The following WWP1 variants were observed in gnomAD, a reference collection of about 807,000 sequenced individuals.
The protein encoded by WWP1 is WW domain containing E3 ubiquitin protein ligase 1, also known as NEDD4-like E3 ubiquitin-protein ligase WWP1.
Under a neutral mutation model 130.6 loss-of-function variants are expected in WWP1, and 49 were observed. The ratio of observed to expected loss-of-function variants is 0.38; its 90% CI spans 0.30 to 0.48. The LOEUF is 0.48. Among genes scored for constraint, WWP1 ranks in the 20% least tolerant of loss-of-function variants. WWP1 has a pLI of 0.99. For synonymous variants in WWP1, 332 were observed against 367.8 expected (o/e 0.90, Z 1.11); for missense variants, 809 against 1,100.6 (o/e 0.74, Z 3.75).
Position 86,442,772 on chromosome 8 carries a change from T to A in WWP1, c.1992T>A (p.Ile664=). ...ACTTCTGTTTCATTGGTCGTTTTAT[T>A]GCCATGGTGAGTTCCTGACTTTATT... The part of the protein sequence containing the change: ...LSYFCFIGRF[I]AMALFHGKFI... Residue 664 remains isoleucine (I), a synonymous_variant, in exon 18 of 25, where the codon ATT becomes ATA. Transcript: ENST00000517970. The A allele has an allele frequency of 6.2e-7, 1 of 1,607,766 alleles. No homozygotes were observed. The highest frequency in any genetic ancestry group is 8.5e-7 in the Non-Finnish European group (1 of 1,178,242).
chr8:86,413,811 C>T (rs368363888), intron 9 of WWP1, among the ~76,000 whole-genome samples: 3 of 152,230 alleles, frequency 2.0e-5, no homozygotes, highest in African/African-American at 7.2e-5. Context: ...CTGAAAACCA[C>T]GAATAAGCAT....
chr8:86,348,648 C>G (rs1202521752), intron 1 of WWP1, among the ~76,000 whole-genome samples: 2 of 152,208 alleles, frequency 1.3e-5, no homozygotes, highest in South Asian at 2.1e-4. Flanking sequence ...CTCTTGGAAC[C>G]TGGAGTTTAG....
At chr8:86,369,765 CTT>C (rs1824179092) in intron 2 of WWP1, among the ~76,000 whole-genome samples, 1 of 152,084 alleles carries the variant, frequency 6.6e-6, no homozygotes, top group Non-Finnish European at 1.5e-5. Flanking sequence ...GAAGAAGTGT[CTT>C]TTTCTTGGAA....
intron 12 of WWP1, 97 bp from the exon 13 acceptor site, chr8:86,431,309 A>T (rs1007565772): frequency 3.5e-6 from 1 of 284,146 alleles, no homozygotes; most frequent in African/African-American, 2.4e-5. Flanking sequence ...ATATGTTTTT[A>T]TATATATAAT....
rs530359883 is a variant in WWP1 at position 86,352,886 on chromosome 8, C to T, written c.-115+9956C>T. Among the ~76,000 whole-genome samples, 31 of 152,248 alleles carry T rather than the reference C, an allele frequency of 2.0e-4. No homozygotes were observed. The South Asian group carries it at 5.8e-3, about 29-fold the overall frequency. ...GCTTCCTTGTTCAAAACATTTCCTC[C>T]GTACTTCTTTCTACAAAAGCAGAAA... On this transcript the variant is annotated intron_variant, in intron 1 of 24. Transcript: ENST00000517970.
rs1809334516 is a variant in WWP1 at position 86,423,222 on chromosome 8, AT to A, written c.1062-1997del. On this transcript the variant is annotated intron_variant, in intron 9 of 24. Coordinates refer to ENST00000517970, the MANE Select transcript of WWP1 (RefSeq NM_007013.4). Reference sequence around the variant, plus strand: ...AATTTTTATTTTTATTTATTTATTTATTTTATTTATTTATTTTTTTAATTGA... The same window carrying A: ...AATTTTTATTTTTATTTATTTATTTATTTATTTATTTATTTTTTTAATTGA... Among the ~76,000 whole-genome samples, 17 of 151,896 alleles carry A rather than the reference AT, an allele frequency of 1.1e-4. No individual in the cohort carries two copies. In the South Asian group the frequency reaches 3.5e-3, roughly 32 times the overall value.
intron 17 of WWP1, 54 bp from the exon 18 acceptor site, chr8:86,442,565 T>C (rs1810647038): frequency 5.4e-6 from 8 of 1,476,846 alleles, no homozygotes; most frequent in African/African-American, 2.8e-5. Context: ...TTAAGATCTG[T>C]TTTTAAATTC....
At chr8:86,390,115 G>A (rs981895732) in intron 5 of WWP1, among the ~76,000 whole-genome samples, 2 of 150,488 alleles carry the variant, frequency 1.3e-5, no homozygotes, top group East Asian at 2.0e-4. Flanking sequence ...GGGCAGAGGC[G>A]CTCCCCACAT....
chr8:86,363,910 G>A lies in WWP1; in HGVS notation c.-114-5029G>A, dbSNP rs193016600. Among the ~76,000 whole-genome samples the A allele has an allele frequency of 3.9e-5, 6 of 151,952 alleles. No individual in the cohort carries two copies. In the East Asian group the frequency reaches 1.2e-3, roughly 29 times the overall value. Reference sequence around the variant, plus strand: ...CTTTGTCACTAAAATGACAAAAGTAGTGTACGTGAAACACATTTTCCTTGA... The same window carrying A: ...CTTTGTCACTAAAATGACAAAAGTAATGTACGTGAAACACATTTTCCTTGA... On this transcript the variant is annotated intron_variant, in intron 1 of 24. Coordinates refer to ENST00000517970, the MANE Select transcript of WWP1 (RefSeq NM_007013.4).
At chr8:86,353,970 A>C (rs1187710494) in intron 1 of WWP1, among the ~76,000 whole-genome samples, 4 of 152,224 alleles carry the variant, frequency 2.6e-5, no homozygotes, top group African/African-American at 9.6e-5. Flanking sequence ...AATTTTGGTA[A>C]TTGTAACTTG....
intron 22 of WWP1, 64 bp downstream of exon 22, chr8:86,458,089 T>A: frequency 7.5e-7 from 1 of 1,326,144 alleles, no homozygotes; most frequent in Non-Finnish European, 1.1e-6. Flanking sequence ...ATGGTGGTTT[T>A]AAAAATAGCT....
intron 3 of WWP1, 145 bp downstream of exon 3, chr8:86,374,265 C>T (rs1824497186): frequency 1.7e-6 from 1 of 584,816 alleles, no homozygotes; most frequent in South Asian, 2.5e-5. Flanking sequence ...AAGGTAGATG[C>T]CCTCCAAAAC....
intron 5 of WWP1, chr8:86,386,776 G>T (rs1825311153): frequency 6.6e-6 from 1 of 152,070 alleles, no homozygotes; most frequent in Non-Finnish European, 1.5e-5. Flanking sequence ...CATTTGTTCT[G>T]CTGTAACAAA....
chr8:86,406,426 C>G (rs1300228982), intron 8 of WWP1, among the ~76,000 whole-genome samples: 2 of 152,108 alleles, frequency 1.3e-5, no homozygotes, highest in African/African-American at 4.8e-5. Flanking sequence ...TGGTGAGTTT[C>G]AGACAGAAGT....
At position 86,452,699 on chromosome 8, in the gene WWP1, C is replaced by T. The variant is rs1226744738; in HGVS notation, c.2394+20C>T. 1.9e-6 allele frequency: 3 copies of T among 1,610,504 alleles called. No homozygotes were observed. The highest frequency in any genetic ancestry group is 2.5e-6 in the Non-Finnish European group (3 of 1,178,680). ...TTAGAGGTTAGGCCCTTTTATTATG[C>T]TATTGTAGGGAATGTTAGTGGGGGG... On this transcript the variant is annotated intron_variant, in intron 21 of 24. Coordinates refer to ENST00000517970, the MANE Select transcript of WWP1 (RefSeq NM_007013.4).
intron 14 of WWP1, among the ~76,000 whole-genome samples, chr8:86,434,295 C>T (rs964755777): frequency 6.6e-6 from 1 of 152,236 alleles, no homozygotes; most frequent in Admixed American, 6.5e-5. Context: ...TCTGACCCCT[C>T]TTATCTCTTC....
chr8:86,454,793 C>G (rs1369815653), intron 21 of WWP1, among the ~76,000 whole-genome samples: 1 of 151,888 alleles, frequency 6.6e-6, no homozygotes, highest in Non-Finnish European at 1.5e-5. Flanking sequence ...CACATACTGC[C>G]CTGTATGTGG....
chr8:86,439,499 T>C (rs1247365252), intron 17 of WWP1, among the ~76,000 whole-genome samples: 4 of 152,334 alleles, frequency 2.6e-5, no homozygotes, highest in East Asian at 1.9e-4. Context: ...TCAGTCTGAA[T>C]ATTTTCTTTT....
intron 1 of WWP1, among the ~76,000 whole-genome samples, chr8:86,358,997 AAGG>A (rs1823410475): frequency 1.3e-5 from 2 of 152,210 alleles, no homozygotes; most frequent in South Asian, 2.1e-4. Context: ...ATTAGAAATG[AAGG>A]AGAAGAGTAG....
Sources: allele counts gnomAD v4.1 joint callset (sites outside exome capture counted in the v4.1 genomes callset), GRCh38; gene constraint gnomAD v4.1.1; transcripts MANE v1.5; gene names NCBI Gene and HGNC (gene_info 2026-07-23, HGNC 2026-07-21).